The following ALCAM variants were observed in gnomAD, a reference collection of about 807,000 sequenced individuals.
ALCAM encodes CD166 antigen.
In ALCAM, 30 loss-of-function variants were observed where a neutral mutation model predicts 70.9. That is an observed-to-expected ratio of 0.42 (90% CI 0.32 to 0.57). The LOEUF (loss-of-function observed/expected upper bound fraction) is 0.57, where lower values mean the gene tolerates loss of function less well. Among genes scored for constraint, ALCAM ranks in the 20% least tolerant of loss-of-function variants. The pLI, the probability that ALCAM is intolerant of heterozygous loss-of-function variation, is 0.11. For missense variants in ALCAM, 591 were observed against 695.1 expected (o/e 0.85, Z 1.68); for synonymous variants, 249 against 242.5 (o/e 1.03, Z -0.25).
intron 6 of ALCAM, among the ~76,000 whole-genome samples, chr3:105,535,154 G>T (rs1024696545): frequency 3.9e-5 from 6 of 152,030 alleles, no homozygotes; most frequent in Admixed American, 3.9e-4. Context: ...GACAAATATA[G>T]ACTTTAACTG....
At position 105,367,396 on chromosome 3, in the gene ALCAM, A is replaced by G. The variant is rs779665128; in HGVS notation, c.-13A>G. On this transcript the variant is annotated 5_prime_UTR_variant, in exon 1 of 16. Coordinates refer to ENST00000306107, the MANE Select transcript of ALCAM (RefSeq NM_001627.4). ...TGGACTCCGTCAGTGGCCCACCAAG[A>G]AGGAGGAGGAATATGGAATCCAAGG... 5.6e-6 allele frequency: 9 copies of G among 1,613,344 alleles called. No individual in the cohort carries two copies. The Admixed American group carries it at 1.3e-4, about 24-fold the overall frequency.
At chr3:105,510,727 A>G (rs1019174367) in intron 1 of ALCAM, among the ~76,000 whole-genome samples, 1 of 152,052 alleles carries the variant, frequency 6.6e-6, no homozygotes, top group African/African-American at 2.4e-5. Flanking sequence ...TACAGGTGCC[A>G]TTGACCTGCT....
chr3:105,429,703 A>G (rs907093867), intron 1 of ALCAM, among the ~76,000 whole-genome samples: 13 of 152,078 alleles, frequency 8.5e-5, no homozygotes, highest in Middle Eastern at 3.4e-3. Context: ...TGTAACTTGC[A>G]TTTTATTTTC....
chr3:105,383,949 A>C (rs1470009540), intron 1 of ALCAM, among the ~76,000 whole-genome samples: 1 of 151,682 alleles, frequency 6.6e-6, no homozygotes, highest in Non-Finnish European at 1.5e-5. Context: ...CATTTCTCAT[A>C]ATCTAGCAGA....
intron 1 of ALCAM, among the ~76,000 whole-genome samples, chr3:105,458,138 A>C (rs182853153): frequency 2.6e-4 from 39 of 152,004 alleles, no homozygotes; most frequent in African/African-American, 8.9e-4. Context: ...TAACACCTGC[A>C]ACTAGGGGCC....
chr3:105,499,610 A>G (rs1938862250), intron 1 of ALCAM, among the ~76,000 whole-genome samples: 1 of 152,218 alleles, frequency 6.6e-6, no homozygotes, highest in Admixed American at 6.5e-5. Context: ...CTTTCTACAT[A>G]CAAATTAATT....
intron 1 of ALCAM, among the ~76,000 whole-genome samples, chr3:105,482,524 A>G (rs1938301621): frequency 6.6e-6 from 1 of 152,148 alleles, no homozygotes; most frequent in East Asian, 1.9e-4. Flanking sequence ...TTATTTTAGT[A>G]TAGTTTGTCC....
At chr3:105,369,055 C>T (rs577174754) in intron 1 of ALCAM, among the ~76,000 whole-genome samples, 5 of 152,110 alleles carry the variant, frequency 3.3e-5, no homozygotes, top group Non-Finnish European at 5.9e-5. Flanking sequence ...GAGGAAAGGA[C>T]ACTTTGGAGC....
At chr3:105,467,176 AC>A (rs1298010635) in intron 1 of ALCAM, among the ~76,000 whole-genome samples, 1 of 151,152 alleles carries the variant, frequency 6.6e-6, no homozygotes, top group Non-Finnish European at 1.5e-5. Context: ...GTGCCTAGAA[AC>A]CTCTCTGGAA....
intron 1 of ALCAM, among the ~76,000 whole-genome samples, chr3:105,506,794 C>T (rs1939091963): frequency 6.6e-6 from 1 of 152,200 alleles, no homozygotes; most frequent in Non-Finnish European, 1.5e-5. Context: ...ATTAGCACCT[C>T]AGTGGGATTG....
At position 105,385,591 on chromosome 3, in the gene ALCAM, C is replaced by G. The variant is rs1576124983; in HGVS notation, c.73+18110C>G. Among the ~76,000 whole-genome samples, 5 of 151,714 alleles carry G rather than the reference C, an allele frequency of 3.3e-5. 1 individual carries two copies. The South Asian group carries it at 1.0e-3, about 31-fold the overall frequency. On this transcript the variant is annotated intron_variant, in intron 1 of 15. Coordinates refer to ENST00000306107, the MANE Select transcript of ALCAM (RefSeq NM_001627.4). Reference sequence around the variant, plus strand: ...GAATCTCTTCTCGATAACTAACATTCAGTTAATTTCTTATTTCGAAGTGGG... The same window carrying G: ...GAATCTCTTCTCGATAACTAACATTGAGTTAATTTCTTATTTCGAAGTGGG...
At chr3:105,490,863 G>A (rs1251296245) in intron 1 of ALCAM, among the ~76,000 whole-genome samples, 2 of 152,194 alleles carry the variant, frequency 1.3e-5, no homozygotes, top group African/African-American at 4.8e-5. Flanking sequence ...AGTGCAAGCT[G>A]TGGATGGATC....
At chr3:105,392,326 C>T (rs1253914681) in intron 1 of ALCAM, among the ~76,000 whole-genome samples, 7 of 151,610 alleles carry the variant, frequency 4.6e-5, no homozygotes. Flanking sequence ...AAGAATTTTT[C>T]CTTTTCTTCT....
intron 1 of ALCAM, among the ~76,000 whole-genome samples, chr3:105,403,204 C>T (rs1049872996): frequency 6.6e-6 from 1 of 152,152 alleles, no homozygotes; most frequent in Non-Finnish European, 1.5e-5. Context: ...ACCTCAGCCT[C>T]CCACAGTGCC....
intron 14 of ALCAM, among the ~76,000 whole-genome samples, chr3:105,564,538 C>G (rs190519292): frequency 1.3e-5 from 2 of 152,088 alleles, no homozygotes; most frequent in Non-Finnish European, 2.9e-5. Context: ...GCATGTCTAC[C>G]GCCAGTAAAT....
intron 1 of ALCAM, among the ~76,000 whole-genome samples, chr3:105,389,251 A>G (rs1400013853): frequency 2.0e-5 from 3 of 151,402 alleles, no homozygotes; most frequent in Non-Finnish European, 4.4e-5. Context: ...TTTATTAAAA[A>G]TACGGGATGA....
At chr3:105,460,273 T>C (rs1271787667) in intron 1 of ALCAM, among the ~76,000 whole-genome samples, 3 of 152,068 alleles carry the variant, frequency 2.0e-5, no homozygotes, top group Admixed American at 2.0e-4. Context: ...TTCACCGCAT[T>C]GCTTTAAAAG....
rs1553726643 is a variant in ALCAM at position 105,474,603 on chromosome 3, A to AG, written c.74-45464_74-45463insG. The stretch of plus-strand genomic sequence containing the variant: ...CTTAAGCCTTTTCTTGCGAAAAAAA[A>AG]AGAGAGAGAGAGAGAGCGAGAAAGA... On this transcript the variant is annotated intron_variant, in intron 1 of 15. Transcript: ENST00000306107. Among the ~76,000 whole-genome samples the AG allele has an allele frequency of 6.1e-3, 913 of 150,740 alleles. 5 individuals are homozygous for AG. The highest frequency in any genetic ancestry group is 0.021 in the African/African-American group (858 of 41,180).
At chr3:105,544,969 T>C in intron 8 of ALCAM, 2 of 387,388 alleles carry the variant, frequency 5.2e-6, no homozygotes, top group Non-Finnish European at 4.9e-6. Flanking sequence ...CCCCTCAAAA[T>C]ATCAATCACG....
Sources: gnomAD v4.1 joint callset for allele counts (sites outside exome capture counted in the v4.1 genomes callset) on GRCh38, gnomAD v4.1.1 for gene constraint, MANE v1.5 for transcripts, NCBI Gene and HGNC (gene_info 2026-07-23, HGNC 2026-07-21) for gene names.